FAT1: variants seen among roughly 807,000 people sequenced by gnomAD.
FAT1 encodes the protein protocadherin Fat 1.
In FAT1, 171 loss-of-function variants were observed where a neutral mutation model predicts 329.8. The ratio of observed to expected loss-of-function variants is 0.52; its 90% CI spans 0.46 to 0.59. The LOEUF (loss-of-function observed/expected upper bound fraction) is 0.59, where lower values mean the gene tolerates loss of function less well. Among genes scored for constraint, FAT1 ranks in the 20% least tolerant of loss-of-function variants. The pLI is 0.00. For missense variants in FAT1, 5,672 were observed against 5,774.4 expected, an observed-to-expected ratio of 0.98 and a Z score of 0.57; for synonymous variants, 2,233 against 2,228.6, an observed-to-expected ratio of 1.00 and a Z score of -0.06.
chr4:186,692,006 G>A (rs1743788437), intron 2 of FAT1, among the ~76,000 whole-genome samples: 1 of 151,922 alleles, frequency 6.6e-6, no homozygotes, highest in African/African-American at 2.4e-5. Context: ...TGGCAGCTGG[G>A]ACTTACTACT....
In FAT1 at chr4:186,602,992, G is replaced by A. The variant is rs368616927; in HGVS notation, c.11393C>T (p.Pro3798Leu). Residue 3798 changes from proline (P) to leucine (L), a missense_variant, in exon 20 of 27, where the codon CCG becomes CTG. Around this residue, in one of 2 missense-constraint regions of FAT1, gnomAD observed 1,706 missense variants for 1,859.1 expected, o/e 0.92. Transcript: ENST00000441802. ...PPVHHGCEDD[P>L]CPEGSECVSD... ...CACACATTCGGATCCCTCAGGGCAC[G>A]GATCATCTTCACAGCCATGGTGGAC... 8.1e-6 allele frequency: 13 copies of A among 1,613,798 alleles called. No homozygotes were observed. The highest frequency in any genetic ancestry group is 1.7e-5 in the Admixed American group (1 of 59,978).
At chr4:186,713,345 T>C (rs1480992920) in intron 1 of FAT1, among the ~76,000 whole-genome samples, 1 of 152,154 alleles carries the variant, frequency 6.6e-6, no homozygotes, top group African/African-American at 2.4e-5. Flanking sequence ...AATCTGACGT[T>C]TCTCTCCTGA....
chr4:186,723,274 C>T (rs577449245), intron 1 of FAT1, among the ~76,000 whole-genome samples: 70 of 152,366 alleles, frequency 4.6e-4, no homozygotes, highest in Non-Finnish European at 6.6e-4. Context: ...GACCCGGCAG[C>T]CCCGCGCAGG....
rs1226731694 is a variant in FAT1, at chr4:186,606,213, T to G, written c.10207A>C (p.Ile3403Leu). The G allele has an allele frequency of 6.2e-7, 1 of 1,612,660 alleles. No homozygotes were observed. The highest frequency in any genetic ancestry group is 1.7e-5 in the Admixed American group (1 of 59,842). ...KVTKLLDRET[I>L]SGYTLTVQAS... The stretch of plus-strand genomic sequence containing the variant: ...TGAACCGTGAGCGTGTAACCTGAAA[T>G]CTTTTCAGGCAAAAGACAGAATGCA... The change falls in exon 17 of 27, where the codon ATT (isoleucine) becomes CTT (leucine). Residue 3403 changes from isoleucine (I) to leucine (L), a missense_variant and splice_region_variant. Transcript: ENST00000441802.
chr4:186,626,667 T>C (rs1355378786), intron 9 of FAT1, among the ~76,000 whole-genome samples: 8 of 135,220 alleles, frequency 5.9e-5, no homozygotes, highest in African/African-American at 2.0e-4. Context: ...AATGAATGAA[T>C]GAGGGACCAA....
intron 2 of FAT1, among the ~76,000 whole-genome samples, chr4:186,683,812 C>T (rs761771303): frequency 3.3e-5 from 5 of 152,048 alleles, no homozygotes; most frequent in Non-Finnish European, 5.9e-5. Flanking sequence ...TATTATTAAT[C>T]CTTTTGGGTA....
intron 2 of FAT1, among the ~76,000 whole-genome samples, chr4:186,668,031 T>G (rs575671630): frequency 6.6e-6 from 1 of 152,286 alleles, no homozygotes; most frequent in East Asian, 1.9e-4. Context: ...AGGAAGGGTC[T>G]TCCTCATGCA....
rs41278609 is a variant in FAT1 at position 186,636,488 on chromosome 4, G to A, written c.3972+97C>T. 0.087 allele frequency: 115,483 copies of A among 1,319,812 alleles called. 5,789 individuals carry two copies. The highest frequency in any genetic ancestry group is 0.1 in the Non-Finnish European group (98,705 of 956,040). 81.8% of individuals were successfully genotyped at this position (1,319,812 alleles called of 1,614,324 possible). ...CCAGCAGGTCACAAACACTTCAGCC[G>A]TTTACAAAATAGAAATAAAGTTACT... On this transcript the variant is annotated intron_variant, in intron 5 of 26. Coordinates refer to ENST00000441802, the MANE Select transcript of FAT1 (RefSeq NM_005245.4).
At chr4:186,601,453 A>C (rs1579298523) in intron 20 of FAT1, 27 bp from the exon 21 acceptor site, 1 of 1,588,252 alleles carries the variant, frequency 6.3e-7, no homozygotes, top group Non-Finnish European at 8.6e-7. Flanking sequence ...GGAAAAAATA[A>C]ACCAGAACCA....
intron 9 of FAT1, among the ~76,000 whole-genome samples, 187 bp downstream of exon 9, chr4:186,627,967 G>A (rs1740396952): frequency 6.7e-6 from 1 of 150,010 alleles, no homozygotes; most frequent in Non-Finnish European, 1.5e-5. Flanking sequence ...CAAACTCTCT[G>A]ATGGGCTAAA....
chr4:186,708,908 C>T lies in FAT1; in HGVS notation c.920G>A (p.Arg307Lys). The stretch of plus-strand genomic sequence containing the variant: ...ATACTCCTTACTCCCTGGAAAGGAC[C>T]TCACTGTTCTAAACTGCTGGAGAAG... ...GDLLQQFRTV[R>K]SFPGSKEYKV... is the part of the protein sequence containing the mutation. Residue 307 changes from arginine (R) to lysine (K), a missense_variant, in exon 2 of 27, where the codon AGG (arginine) becomes AAG (lysine). Physicochemically the swap from Arg to Lys is conservative, Grantham distance 26. Coordinates refer to ENST00000441802, the MANE Select transcript of FAT1 (RefSeq NM_005245.4). 1 of 1,613,992 alleles carries T rather than the reference C, an allele frequency of 6.2e-7. No individual in the cohort carries two copies. Among genetic ancestry groups the T allele is most frequent in the Non-Finnish European group, 8.5e-7 (1 of 1,179,892 alleles).
intron 2 of FAT1, among the ~76,000 whole-genome samples, chr4:186,690,166 A>T (rs1325730359): frequency 6.6e-6 from 1 of 152,214 alleles, no homozygotes; most frequent in Non-Finnish European, 1.5e-5. Flanking sequence ...AAGAGCAAAC[A>T]CTTGAGACTA....
chr4:186,705,685 A>C (rs1230403752), intron 2 of FAT1, among the ~76,000 whole-genome samples: 1 of 152,256 alleles, frequency 6.6e-6, no homozygotes, highest in Non-Finnish European at 1.5e-5. Flanking sequence ...CCACCAGGAC[A>C]TATTGACATA....
chr4:186,603,774 A>C lies in FAT1; in HGVS notation c.10752T>G (p.Pro3584=), dbSNP rs2126433108. The C allele has an allele frequency of 3.7e-6, 6 of 1,613,910 alleles. No individual in the cohort carries two copies. Among genetic ancestry groups the C allele is most frequent in the Non-Finnish European group, 4.2e-6 (5 of 1,179,882 alleles). Reference sequence around the variant, plus strand: ...AAACAGAGAACAGGTTGTCCATCTGAGGGTCGAGACTGTAGGTTAGAGTAT... The same window carrying C: ...AAACAGAGAACAGGTTGTCCATCTGCGGGTCGAGACTGTAGGTTAGAGTAT... The part of the protein sequence containing the change: ...VYDTLTYSLD[P]QMDNLFSVSS... Residue 3584 remains proline, a synonymous_variant, in exon 19 of 27, where the codon CCT becomes CCG. Transcript: ENST00000441802.
chr4:186,597,266 G>A, intron 24 of FAT1, 95 bp from the exon 25 acceptor site: 2 of 1,307,338 alleles, frequency 1.5e-6, no homozygotes, highest in Non-Finnish European at 2.1e-6. Context: ...ATCCCTCCTT[G>A]ATGAGCTATG....
At chr4:186,594,716 G>A (rs926145280) in intron 26 of FAT1, among the ~76,000 whole-genome samples, 28 of 138,384 alleles carry the variant, frequency 2.0e-4, no homozygotes, top group Non-Finnish European at 4.0e-4. Context: ...AATCAGAAAT[G>A]ATAGCACATA....
chr4:186,672,442 C>A (rs902612344), intron 2 of FAT1, among the ~76,000 whole-genome samples: 5 of 152,066 alleles, frequency 3.3e-5, no homozygotes, highest in African/African-American at 4.8e-5. Context: ...TAACTGAAGC[C>A]ATGACACTGA....
At chr4:186,701,485 C>G (rs1229788317) in intron 2 of FAT1, among the ~76,000 whole-genome samples, 1 of 152,154 alleles carries the variant, frequency 6.6e-6, no homozygotes, top group Non-Finnish European at 1.5e-5. Flanking sequence ...AACACAAAAG[C>G]CCTTTCACCA....
rs983617877 is a variant in FAT1 at position 186,617,562 on chromosome 4, A to T, written c.8878+146T>A. 4 of 699,224 alleles carry T rather than the reference A, an allele frequency of 5.7e-6. No homozygotes were observed. The African/African-American group carries it at 7.2e-5, about 13-fold the overall frequency. 43.3% of individuals were successfully genotyped at this position (699,224 alleles called of 1,614,324 possible). ...TAACAAGCTTGAAATGAGGCTCAACAGATGTTATTTCTACGTATTATTTTA... is the reference window on the plus strand; with the variant it reads ...TAACAAGCTTGAAATGAGGCTCAACTGATGTTATTTCTACGTATTATTTTA... On this transcript the variant is annotated intron_variant, in intron 10 of 26. Transcript: ENST00000441802.
Sources: gnomAD v4.1 joint callset for allele counts (sites outside exome capture counted in the v4.1 genomes callset) on GRCh38, gnomAD v4.1.1 for gene constraint, gnomAD v4.1.1 regional missense constraint, MANE v1.5 for transcripts, NCBI Gene and HGNC (gene_info 2026-07-23, HGNC 2026-07-21) for gene names.